WWOX: variants seen among roughly 807,000 people sequenced by gnomAD.
WWOX encodes the protein WW domain-containing oxidoreductase.
A neutral mutation model predicts 46.2 loss-of-function variants in WWOX; 69 were observed. That is an observed-to-expected ratio of 1.49 (90% CI 1.23 to 1.82). The LOEUF (loss-of-function observed/expected upper bound fraction) is 1.82. WWOX is among the 40% of genes most tolerant of loss of function. WWOX has a pLI of 0.00. For missense variants in WWOX, 919 were observed against 542.6 expected (o/e 1.69, Z -6.89); for synonymous variants, 359 against 202.6 (o/e 1.77, Z -6.56).
chr16:78,260,258 A>C (rs1460504828), intron 5 of WWOX, among the ~76,000 whole-genome samples: 2 of 151,598 alleles, frequency 1.3e-5, no homozygotes, highest in Non-Finnish European at 2.9e-5. Flanking sequence ...GAGGGGCCTG[A>C]TTGTTAAAAG....
intron 5 of WWOX, among the ~76,000 whole-genome samples, chr16:78,208,362 T>C (rs898913380): frequency 2.2e-4 from 34 of 152,190 alleles, no homozygotes; most frequent in African/African-American, 7.5e-4. Context: ...ATGTTCTTGG[T>C]CCTTTAGGAG....
intron 5 of WWOX, among the ~76,000 whole-genome samples, chr16:78,376,367 T>C (rs2081825987): frequency 6.6e-6 from 1 of 152,198 alleles, no homozygotes; most frequent in South Asian, 2.1e-4. Flanking sequence ...GCACGATGTT[T>C]TTACATGGGT....
intron 5 of WWOX, among the ~76,000 whole-genome samples, chr16:78,304,161 G>A (rs567827819): frequency 2.6e-5 from 4 of 152,226 alleles, no homozygotes; most frequent in South Asian, 4.1e-4. Context: ...CTCTTCTCCC[G>A]ATCAGCTGTT....
At chr16:78,768,755 C>T (rs1039494600) in intron 8 of WWOX, among the ~76,000 whole-genome samples, 2 of 152,106 alleles carry the variant, frequency 1.3e-5, no homozygotes, top group African/African-American at 4.8e-5. Context: ...TTGTGAAATG[C>T]TCATTTCACA....
chr16:79,014,504 G>A (rs747297247), intron 8 of WWOX, among the ~76,000 whole-genome samples: 6 of 152,140 alleles, frequency 3.9e-5, no homozygotes, highest in Non-Finnish European at 8.8e-5. Context: ...AAATCCAGCC[G>A]TTGCTCCAGA....
At chr16:78,935,230 T>A (rs1178204179) in intron 8 of WWOX, among the ~76,000 whole-genome samples, 1 of 152,134 alleles carries the variant, frequency 6.6e-6, no homozygotes, top group African/African-American at 2.4e-5. Context: ...GAAATACCAT[T>A]TGACCCAGCC....
chr16:78,395,760 TTTTC>T (rs978786663), intron 6 of WWOX, among the ~76,000 whole-genome samples: 44 of 152,044 alleles, frequency 2.9e-4, no homozygotes, highest in African/African-American at 8.7e-4. Context: ...TGTTTTTTCT[TTTTC>T]TTTTTCTTTT....
intron 8 of WWOX, among the ~76,000 whole-genome samples, chr16:78,920,059 A>G (rs1053913640): frequency 1.8e-4 from 27 of 151,860 alleles, no homozygotes; most frequent in Admixed American, 1.6e-3. Flanking sequence ...CGCAGTAACA[A>G]ACGACCCCAC....
rs539116005 is a variant in WWOX at position 79,004,829 on chromosome 16, T to A, written c.1057-206779T>A. The A allele has an allele frequency of 5.3e-5, 8 of 152,248 alleles. No individual in the cohort carries two copies. The South Asian group carries it at 1.7e-3, about 31-fold the overall frequency. 9.4% of individuals were successfully genotyped at this position (152,248 alleles called of 1,614,324 possible). On this transcript the variant is annotated intron_variant, in intron 8 of 8. Transcript: ENST00000566780. Reference sequence around the variant, plus strand: ...AAAAAGGCACAGCAGGCACTTGGGTTTTCCCTCAGCTTGCTGGGGCCGTGC... The same window carrying A: ...AAAAAGGCACAGCAGGCACTTGGGTATTCCCTCAGCTTGCTGGGGCCGTGC...
chr16:78,516,621 T>C (rs1425408558), intron 8 of WWOX, among the ~76,000 whole-genome samples: 1 of 152,220 alleles, frequency 6.6e-6, no homozygotes, highest in Non-Finnish European at 1.5e-5. Context: ...TTCTCCATTT[T>C]GCACGTGTAT....
rs72797435 is a variant in WWOX at position 79,179,454 on chromosome 16, C to A, written c.1057-32154C>A. The stretch of plus-strand genomic sequence containing the variant: ...TCCTAACTAATGCAGTATGTGACGC[C>A]TGGCAGCTCCAGTCCGAACCAAGGG... On this transcript the variant is annotated intron_variant, in intron 8 of 8. Coordinates refer to ENST00000566780, the MANE Select transcript of WWOX (RefSeq NM_016373.4). 9.9e-3 allele frequency among the ~76,000 whole-genome samples: 1,503 copies of A among 152,346 alleles called. 16 individuals are homozygous for A. Among genetic ancestry groups the A allele is most frequent in the Admixed American group, 0.017 (263 of 15,310 alleles).
At chr16:78,812,493 G>A (rs1408491143) in intron 8 of WWOX, among the ~76,000 whole-genome samples, 28 of 152,088 alleles carry the variant, frequency 1.8e-4, no homozygotes, top group Admixed American at 1.8e-3. Context: ...AGGCCGAGGT[G>A]GACGGATCAC....
At chr16:79,128,656 A>G (rs187408686) in intron 8 of WWOX, among the ~76,000 whole-genome samples, 68 of 152,344 alleles carry the variant, frequency 4.5e-4, no homozygotes, top group African/African-American at 1.5e-3. Flanking sequence ...ATTTCACTCA[A>G]CTGAGGAATT....
chr16:78,423,704 T>C (rs1438004292), intron 6 of WWOX, among the ~76,000 whole-genome samples: 1 of 151,922 alleles, frequency 6.6e-6, no homozygotes, highest in Admixed American at 6.6e-5. Flanking sequence ...AAAATAGCCA[T>C]GCATGGTGGT....
At chr16:78,741,176 A>C (rs1276436507) in intron 8 of WWOX, among the ~76,000 whole-genome samples, 1 of 152,180 alleles carries the variant, frequency 6.6e-6, no homozygotes, top group Non-Finnish European at 1.5e-5. Context: ...GACAGAGACC[A>C]TTTATCCCAC....
intron 8 of WWOX, among the ~76,000 whole-genome samples, chr16:78,637,571 C>T (rs1324075545): frequency 1.3e-5 from 2 of 152,200 alleles, no homozygotes; most frequent in African/African-American, 2.4e-5. Context: ...GCTTTGGAAC[C>T]TTCTACTACA....
chr16:79,128,872 A>G (rs2049816649), intron 8 of WWOX, among the ~76,000 whole-genome samples: 1 of 152,182 alleles, frequency 6.6e-6, no homozygotes, highest in Non-Finnish European at 1.5e-5. Flanking sequence ...CAGTTGCCCA[A>G]GCAGTAAGGC....
At chr16:78,560,367 G>T (rs1475810806) in intron 8 of WWOX, among the ~76,000 whole-genome samples, 2 of 152,206 alleles carry the variant, frequency 1.3e-5, no homozygotes, top group East Asian at 3.8e-4. Context: ...TAGTGGCCAG[G>T]TGCGGTGGCT....
At chr16:78,368,684 C>T (rs909088981) in intron 5 of WWOX, among the ~76,000 whole-genome samples, 6 of 152,194 alleles carry the variant, frequency 3.9e-5, no homozygotes, top group African/African-American at 1.4e-4. Context: ...GTGGTGTCCC[C>T]TCCCTTCCCC....
Sources: gnomAD v4.1 joint callset for allele counts (sites outside exome capture counted in the v4.1 genomes callset) on GRCh38, gnomAD v4.1.1 for gene constraint, MANE v1.5 for transcripts, NCBI Gene and HGNC (gene_info 2026-07-23, HGNC 2026-07-21) for gene names.